Variants in ZNF14 observed in about 807,000 individuals in gnomAD.
ZNF14 encodes gonadotropin inducible transcription repressor-4.
ZNF14 carries 9 observed loss-of-function variants against 11.3 expected under a neutral mutation model. The observed-to-expected ratio is 0.80, with a 90% CI of 0.48 to 1.39. The LOEUF is 1.39. Among genes scored for constraint, ZNF14 ranks in the 40% most tolerant of loss-of-function variants. ZNF14 has a pLI of 0.00. For missense variants in ZNF14, 711 were observed against 763.9 expected, an observed-to-expected ratio of 0.93 and a Z score of 0.82; for synonymous variants, 239 against 245.7, an observed-to-expected ratio of 0.97 and a Z score of 0.25.
At chr19:19,719,616 G>A (rs577745838) in intron 1 of ZNF14, among the ~76,000 whole-genome samples, 52 of 152,108 alleles carry the variant, frequency 3.4e-4, no homozygotes, top group African/African-American at 1.2e-3. Context: ...TGCTAAGTGG[G>A]GAGAAAAATG....
At chr19:19,713,789 C>A (rs2062369739) in intron 3 of ZNF14, among the ~76,000 whole-genome samples, 1 of 142,644 alleles carries the variant, frequency 7.0e-6, no homozygotes. Context: ...TGCTATATTA[C>A]CCAGGCTGGT....
At chr19:19,726,669 G>C (rs552664865) in intron 1 of ZNF14, among the ~76,000 whole-genome samples, 1 of 133,860 alleles carries the variant, frequency 7.5e-6, no homozygotes, top group Non-Finnish European at 1.7e-5. Flanking sequence ...GTTCAGCTAT[G>C]CCCTGCCCCC....
In ZNF14 at chr19:19,712,893, G is replaced by T; in HGVS notation, c.388C>A (p.Pro130Thr). ...TTTTCATATTCCTGATACTCATTTG[G>T]TTTCTGTCCAGTGTGAGATCTCATG... ...RHMRSHTGQK[P>T]NEYQEYEKQP... Residue 130 changes from proline to threonine, a missense_variant, in exon 4 of 4, where the codon CCA (proline) becomes ACA (threonine). Transcript: ENST00000344099. The T allele has an allele frequency of 6.2e-7, 1 of 1,614,098 alleles. No homozygotes were observed. Among genetic ancestry groups the T allele is most frequent in the East Asian group, 2.2e-5 (1 of 44,864 alleles).
rs1191809948 is a variant in ZNF14, at chr19:19,726,424, G to C, written c.3+6532C>G. Among the ~76,000 whole-genome samples the C allele has an allele frequency of 8.4e-4, 113 of 134,050 alleles. 21 individuals carry two copies. Among genetic ancestry groups the C allele is most frequent in the Non-Finnish European group, 2.3e-4 (14 of 60,312 alleles). 87.9% of individuals were successfully genotyped at this position (134,050 alleles called of 152,430 possible). On this transcript the variant is annotated intron_variant, in intron 1 of 3. Transcript: ENST00000344099. ...CAAATATTGCAGAACGGCAAATGTT[G>C]CTGCCTGATCCTTCCTCTTGAAGCT...
At position 19,727,382 on chromosome 19, in the gene ZNF14, C is replaced by T. The variant is rs774397078; in HGVS notation, c.3+5574G>A. 2.0e-4 allele frequency among the ~76,000 whole-genome samples: 26 copies of T among 132,224 alleles called. 6 individuals are homozygous for T. The highest frequency in any genetic ancestry group is 4.3e-4 in the East Asian group (2 of 4,702). 86.7% of individuals were successfully genotyped at this position (132,224 alleles called of 152,430 possible). A position where few individuals can be genotyped will look rare whatever the true frequency, so the allele number is the denominator to read the frequency against. On this transcript the variant is annotated intron_variant, in intron 1 of 3. Coordinates refer to ENST00000344099, the MANE Select transcript of ZNF14 (RefSeq NM_021030.3). ...TGTTGCTGGTCTCAAGTCATCCTCC[C>T]GCCTTGACCTTCCGAAGTGCTGGGA...
Position 19,720,861 on chromosome 19 carries a change from C to CA in ZNF14, c.4-6375dup, listed in dbSNP as rs1478837228. 6.6e-6 allele frequency among the ~76,000 whole-genome samples: 1 copy of CA among 152,200 alleles called. No individual in the cohort carries two copies. The highest frequency in any genetic ancestry group is 6.5e-5 in the Admixed American group (1 of 15,272). On this transcript the variant is annotated intron_variant, in intron 1 of 3. Coordinates refer to ENST00000344099, the MANE Select transcript of ZNF14 (RefSeq NM_021030.3). This position sits in a 1 kb window ranked among gnomAD's most constrained non-coding sequence, Gnocchi z 4.1. ...TAAAAAGAGAATTGAAAACCCTAGACAAAGTGAGCACATCCCAAGAAGCTC... is the reference window on the plus strand; with the variant it reads ...TAAAAAGAGAATTGAAAACCCTAGACAAAAGTGAGCACATCCCAAGAAGCTC...
chr19:19,712,369 C>T lies in ZNF14; in HGVS notation c.912G>A (p.Glu304=). Residue 304 remains glutamate, a synonymous_variant, in exon 4 of 4, where the codon GAG becomes GAA. Coordinates refer to ENST00000344099, the MANE Select transcript of ZNF14 (RefSeq NM_021030.3). ...FRRHKRTHSG[E]KPYECKECGK... Reference sequence around the variant, plus strand: ...CACATTCTTTACATTCATAGGGTTTCTCTCCACTATGAGTCCTTTTATGCC... The same window carrying T: ...CACATTCTTTACATTCATAGGGTTTTTCTCCACTATGAGTCCTTTTATGCC... 6.2e-7 allele frequency: 1 copy of T among 1,612,620 alleles called. No homozygotes were observed. Among genetic ancestry groups the T allele is most frequent in the South Asian group, 1.1e-5 (1 of 90,742 alleles).
chr19:19,728,617 T>C (rs1312496523), intron 1 of ZNF14, among the ~76,000 whole-genome samples: 2 of 130,986 alleles, frequency 1.5e-5, no homozygotes, highest in Admixed American at 1.5e-4. Flanking sequence ...TGATGTGAAT[T>C]CTGGTACCAA....
At chr19:19,732,747 G>T (rs189344690) in intron 1 of ZNF14, among the ~76,000 whole-genome samples, 3 of 152,328 alleles carry the variant, frequency 2.0e-5, no homozygotes, top group Admixed American at 6.5e-5. Context: ...CCAGGACCGG[G>T]GGCCGAGGTC....
chr19:19,718,236 A>G (rs952362842), intron 1 of ZNF14, among the ~76,000 whole-genome samples: 10 of 152,234 alleles, frequency 6.6e-5, no homozygotes, highest in Non-Finnish European at 1.3e-4. Context: ...TTAATATACT[A>G]AGGGTTCTCA....
chr19:19,728,112 G>C (rs1327969172), intron 1 of ZNF14, among the ~76,000 whole-genome samples: 1 of 130,960 alleles, frequency 7.6e-6, no homozygotes. Context: ...TGAGACTCTT[G>C]TCTCAAACAA....
intron 1 of ZNF14, among the ~76,000 whole-genome samples, chr19:19,719,472 T>C (rs913833614): frequency 2.0e-5 from 3 of 152,200 alleles, no homozygotes; most frequent in African/African-American, 4.8e-5. Context: ...GAATACTTTT[T>C]CATGAGGTAC....
chr19:19,731,686 G>A (rs1239219463), intron 1 of ZNF14, among the ~76,000 whole-genome samples: 1 of 152,100 alleles, frequency 6.6e-6, no homozygotes, highest in Admixed American at 6.5e-5. Flanking sequence ...ACAACCACAC[G>A]AGGAAAGAAA....
Position 19,733,096 on chromosome 19 carries a change from A to G in ZNF14, c.-138T>C, listed in dbSNP as rs1267203167. 1 of 1,115,238 alleles carries G rather than the reference A, an allele frequency of 9.0e-7. No homozygotes were observed. Among genetic ancestry groups the G allele is most frequent in the African/African-American group, 1.6e-5 (1 of 63,982 alleles). 69.1% of individuals were successfully genotyped at this position (1,115,238 alleles called of 1,614,324 possible). On this transcript the variant is annotated 5_prime_UTR_variant, in exon 1 of 4. Transcript: ENST00000344099. The stretch of plus-strand genomic sequence containing the variant: ...AACGCAATCTTCCCATGGGCCAGGA[A>G]TGGCGACGTCCGCACTGCGCAGGCC...
chr19:19,724,856 G>C lies in ZNF14; in HGVS notation c.3+8100C>G, dbSNP rs1412507871. On this transcript the variant is annotated intron_variant, in intron 1 of 3. Transcript: ENST00000344099. ...TGTAATGGCCTTCTTTGTCTCTTTT[G>C]ATCTTTGTTGGTTTAAAGTCTGTTT... Among the ~76,000 whole-genome samples, 2 of 132,642 alleles carry C rather than the reference G, an allele frequency of 1.5e-5. 1 individual carries two copies. Among genetic ancestry groups the C allele is most frequent in the Non-Finnish European group, 3.3e-5 (2 of 59,762 alleles). The allele number at this position is 132,642 out of a possible 152,430, so 87.0% of individuals were successfully genotyped here.
intron 1 of ZNF14, among the ~76,000 whole-genome samples, chr19:19,721,718 T>G (rs546808259): frequency 1.3e-5 from 2 of 152,106 alleles, no homozygotes; most frequent in African/African-American, 4.8e-5. Context: ...TCCTAGCACT[T>G]TGGGAGGCCG....
chr19:19,714,165 C>G lies in ZNF14; in HGVS notation c.131-14G>C. ...CCCACTTTTTTCCTAAAATGCATAC[C>G]CAGAAAGACCATTAAAAATTATTAG... is the stretch of plus-strand genomic sequence containing the variant. On this transcript the variant is annotated splice_polypyrimidine_tract_variant and intron_variant, in intron 2 of 3. Transcript: ENST00000344099. The G allele has an allele frequency of 6.2e-7, 1 of 1,609,860 alleles. No homozygotes were observed. Among genetic ancestry groups the G allele is most frequent in the Non-Finnish European group, 8.5e-7 (1 of 1,178,450 alleles).
At position 19,712,823 on chromosome 19, in the gene ZNF14, T is replaced by G. The variant is rs1314596820; in HGVS notation, c.458A>C (p.His153Pro). The G allele has an allele frequency of 1.9e-6, 3 of 1,614,222 alleles. No homozygotes were observed. The Admixed American group carries it at 5.0e-5, about 27-fold the overall frequency. Residue 153 changes from histidine to proline, a missense_variant, in exon 4 of 4, where the codon CAC becomes CCC. Coordinates refer to ENST00000344099, the MANE Select transcript of ZNF14 (RefSeq NM_021030.3). Reference sequence around the variant, plus strand: ...TCTTTCATGTTTGCGAAAGCAGTGGTGATAACTGAAGGTTTTCCCAACTGC... The same window carrying G: ...TCTTTCATGTTTGCGAAAGCAGTGGGGATAACTGAAGGTTTTCCCAACTGC... The part of the protein sequence containing the change: ...CKAVGKTFSY[H>P]HCFRKHERTH...
chr19:19,716,035 C>T lies in ZNF14; in HGVS notation c.4-1548G>A, dbSNP rs74953762. On this transcript the variant is annotated intron_variant, in intron 1 of 3. Transcript: ENST00000344099. ...AGGAGGAACGTATGGCAACTTACAC[C>T]TCTACAAAATTTGTATACCAGGAGA... 8.5e-3 allele frequency among the ~76,000 whole-genome samples: 1,289 copies of T among 152,208 alleles called. 14 individuals are homozygous for T. Among genetic ancestry groups the T allele is most frequent in the African/African-American group, 0.03 (1,232 of 41,518 alleles).
Sources: allele counts gnomAD v4.1 joint callset (sites outside exome capture counted in the v4.1 genomes callset), GRCh38; gene constraint gnomAD v4.1.1; non-coding constraint Gnocchi (gnomAD v3.1); transcripts MANE v1.5; gene names NCBI Gene and HGNC (gene_info 2026-07-23, HGNC 2026-07-21).